The following KCNMA1 variants were observed in gnomAD, a reference collection of about 807,000 sequenced individuals.
KCNMA1 encodes the protein potassium calcium-activated channel subfamily M alpha 1.
In KCNMA1, 29 loss-of-function variants were observed where a neutral mutation model predicts 140.0. The observed-to-expected ratio is 0.21, with a 90% CI of 0.15 to 0.28. The LOEUF (loss-of-function observed/expected upper bound fraction) is 0.28, where lower values mean the gene tolerates loss of function less well. Ranked by LOEUF, KCNMA1 falls within the 10% of genes least tolerant of loss-of-function variation. The pLI is 1.00. For synonymous variants in KCNMA1, 612 were observed against 611.9 expected, an observed-to-expected ratio of 1.00 and a Z score of 0.00; for missense variants, 880 against 1,602.2, an observed-to-expected ratio of 0.55 and a Z score of 7.70.
intron 1 of KCNMA1, among the ~76,000 whole-genome samples, chr10:77,441,793 A>G (rs753571407): frequency 7.2e-5 from 11 of 151,850 alleles, no homozygotes; most frequent in Non-Finnish European, 1.6e-4. Context: ...CCGCTTAATT[A>G]TTTGGCAGCT....
chr10:77,162,777 C>A (rs551582093), intron 5 of KCNMA1, among the ~76,000 whole-genome samples: 1 of 152,286 alleles, frequency 6.6e-6, no homozygotes, highest in South Asian at 2.1e-4. Flanking sequence ...ATTGATTTTC[C>A]AGTCTGTAAA....
At chr10:77,380,101 A>G (rs1353192237) in intron 2 of KCNMA1, among the ~76,000 whole-genome samples, 2 of 152,256 alleles carry the variant, frequency 1.3e-5, no homozygotes, top group East Asian at 1.9e-4. Flanking sequence ...CAGAGGGGGA[A>G]AAATGAATGA....
chr10:77,387,627 T>C (rs1225904682), intron 2 of KCNMA1, among the ~76,000 whole-genome samples: 4 of 151,862 alleles, frequency 2.6e-5, no homozygotes, highest in African/African-American at 4.8e-5. Flanking sequence ...TTTTCTTTTC[T>C]TTTCTTTTTA....
intron 23 of KCNMA1, among the ~76,000 whole-genome samples, chr10:76,925,222 T>C (rs1014574783): frequency 6.6e-6 from 1 of 152,242 alleles, no homozygotes; most frequent in Non-Finnish European, 1.5e-5. Context: ...TATCTTCATA[T>C]ACCCACTGGA....
In KCNMA1 at chr10:77,063,241, C is replaced by T. The variant is rs914474511; in HGVS notation, c.1749+9856G>A. Among the ~76,000 whole-genome samples, 6 of 151,998 alleles carry T rather than the reference C, an allele frequency of 3.9e-5. No homozygotes were observed. The East Asian group carries it at 5.8e-4, about 15-fold the overall frequency. ...CAGCCTGGGCAACATGGTGAAACCCCGTCTCTACTAAAAATACAAAAATTA... is the reference window on the plus strand; with the variant it reads ...CAGCCTGGGCAACATGGTGAAACCCTGTCTCTACTAAAAATACAAAAATTA... On this transcript the variant is annotated intron_variant, in intron 14 of 27. Coordinates refer to ENST00000286628, the MANE Select transcript of KCNMA1 (RefSeq NM_001161352.2).
At chr10:77,419,683 T>C (rs983895893) in intron 1 of KCNMA1, among the ~76,000 whole-genome samples, 4 of 152,208 alleles carry the variant, frequency 2.6e-5, no homozygotes, top group Non-Finnish European at 5.9e-5. Context: ...TTTCTGTCTA[T>C]ACTATTTTTT....
intron 2 of KCNMA1, chr10:77,304,653 G>A (rs2077259175): frequency 6.6e-6 from 1 of 152,244 alleles, no homozygotes. Context: ...GTGGATCACA[G>A]GTTGAAAACT....
intron 2 of KCNMA1, among the ~76,000 whole-genome samples, chr10:77,271,564 A>G (rs1398567269): frequency 6.6e-6 from 1 of 152,206 alleles, no homozygotes. Context: ...AAAGAGGTGT[A>G]AGGATTGAGT....
chr10:77,497,895 A>G (rs2042502416), intron 1 of KCNMA1, among the ~76,000 whole-genome samples: 1 of 152,170 alleles, frequency 6.6e-6, no homozygotes, highest in Non-Finnish European at 1.5e-5. Context: ...GTGGAGGGAG[A>G]AGGATGCTGC....
chr10:77,347,231 G>T (rs1223454827), intron 2 of KCNMA1, among the ~76,000 whole-genome samples: 1 of 152,172 alleles, frequency 6.6e-6, no homozygotes, highest in Non-Finnish European at 1.5e-5. Context: ...TCATATACCA[G>T]GCCTTGTGCA....
At chr10:76,873,355 C>T (rs1467102991), downstream of KCNMA1, 1 of 152,140 alleles carries the variant, frequency 6.6e-6, no homozygotes, top group African/African-American at 2.4e-5. Flanking sequence ...ACTACTGTCT[C>T]ATAAATAAAT....
At chr10:77,620,171 T>C (rs901206786) in intron 1 of KCNMA1, among the ~76,000 whole-genome samples, 3 of 152,134 alleles carry the variant, frequency 2.0e-5, no homozygotes, top group Non-Finnish European at 4.4e-5. Context: ...CTGTTTTCTC[T>C]GGCTCGACCT....
chr10:77,021,099 C>G (rs1358210723), intron 16 of KCNMA1: 1 of 152,132 alleles, frequency 6.6e-6, no homozygotes, highest in East Asian at 1.9e-4. Flanking sequence ...GAATATAATA[C>G]AGTCTTCTTA....
intron 2 of KCNMA1, among the ~76,000 whole-genome samples, chr10:77,253,345 A>C (rs2060052566): frequency 6.6e-6 from 1 of 152,244 alleles, no homozygotes; most frequent in African/African-American, 2.4e-5. Flanking sequence ...TATGCCACCC[A>C]AAGCCACTGT....
At chr10:77,260,985 C>T (rs2061849370) in intron 2 of KCNMA1, among the ~76,000 whole-genome samples, 2 of 152,114 alleles carry the variant, frequency 1.3e-5, no homozygotes, top group Admixed American at 6.5e-5. Flanking sequence ...TTTGTATGCA[C>T]ACAAACACGC....
rs370722184 is a variant in KCNMA1 at position 77,104,631 on chromosome 10, G to C, written c.1223+3850C>G. Among the ~76,000 whole-genome samples, 23 of 152,342 alleles carry C rather than the reference G, an allele frequency of 1.5e-4. No individual in the cohort carries two copies. The East Asian group carries it at 3.5e-3, about 23-fold the overall frequency. On this transcript the variant is annotated intron_variant, in intron 9 of 27. Transcript: ENST00000286628. Reference sequence around the variant, plus strand: ...CAAGTCCCAACATGGGAAACACAAGGTCTGGGTGGCTCCCGGCTGGACTCC... The same window carrying C: ...CAAGTCCCAACATGGGAAACACAAGCTCTGGGTGGCTCCCGGCTGGACTCC...
chr10:76,955,261 T>C (rs1018533754), intron 20 of KCNMA1, among the ~76,000 whole-genome samples: 4 of 151,974 alleles, frequency 2.6e-5, no homozygotes, highest in Admixed American at 2.6e-4. Context: ...CTTTTTACTA[T>C]TTGTCCTTCT....
At chr10:77,494,769 A>G (rs1211279932) in intron 1 of KCNMA1, among the ~76,000 whole-genome samples, 2 of 152,208 alleles carry the variant, frequency 1.3e-5, no homozygotes, top group Non-Finnish European at 2.9e-5. Context: ...ATTGTCTCAC[A>G]GGTCTGGAGG....
At chr10:77,435,392 T>A (rs1052019431) in intron 1 of KCNMA1, among the ~76,000 whole-genome samples, 1 of 152,168 alleles carries the variant, frequency 6.6e-6, no homozygotes. Flanking sequence ...AAATTCTAGG[T>A]AGATGCCTCC....
Sources: gnomAD v4.1 joint callset for allele counts (sites outside exome capture counted in the v4.1 genomes callset) on GRCh38, gnomAD v4.1.1 for gene constraint, MANE v1.5 for transcripts, NCBI Gene and HGNC (gene_info 2026-07-23, HGNC 2026-07-21) for gene names.